HAGH: variants seen among roughly 807,000 people sequenced by gnomAD.
HAGH encodes hydroxyacylglutathione hydrolase, mitochondrial.
A neutral mutation model predicts 35.1 loss-of-function variants in HAGH; 29 were observed. The observed-to-expected ratio is 0.83, with a 90% CI of 0.62 to 1.13. The LOEUF (loss-of-function observed/expected upper bound fraction) is 1.13. Among genes scored for constraint, HAGH ranks in the 50% most tolerant of loss-of-function variants. HAGH has a pLI of 0.00. For synonymous variants in HAGH, 225 were observed against 176.1 expected (o/e 1.28, Z -2.20); for missense variants, 478 against 419.6 (o/e 1.14, Z -1.22).
At chr16:1,814,603 T>C (rs1233142982) in intron 7 of HAGH, among the ~76,000 whole-genome samples, 1 of 152,076 alleles carries the variant, frequency 6.6e-6, no homozygotes, top group Admixed American at 6.6e-5. Flanking sequence ...AAAACATCTT[T>C]TAAATATATA....
rs371073521 is a variant in HAGH, at chr16:1,819,084, C to A, written c.541+31G>T. 3.4e-5 allele frequency: 47 copies of A among 1,380,410 alleles called. No homozygotes were observed. In the African/African-American group the frequency reaches 3.7e-4, roughly 11 times the overall value. 85.5% of individuals were successfully genotyped at this position (1,380,410 alleles called of 1,614,324 possible). ...GGAGACACAGGGTCTTCACGAAGAA[C>A]CCCCGCCCCCACCCACACTCGAACA... is the stretch of plus-strand genomic sequence containing the variant. On this transcript the variant is annotated intron_variant, in intron 5 of 8. Transcript: ENST00000397356.
intron 3 of HAGH, among the ~76,000 whole-genome samples, chr16:1,821,185 C>G (rs1364028314): frequency 5.3e-5 from 8 of 152,188 alleles, no homozygotes; most frequent in Non-Finnish European, 1.2e-4. Flanking sequence ...CCCCTCAAGC[C>G]CAGGTCCCTG....
At chr16:1,823,107 G>C in intron 1 of HAGH, 70 bp from the exon 2 acceptor site, 1 of 1,327,912 alleles carries the variant, frequency 7.5e-7, no homozygotes, top group Non-Finnish European at 1.1e-6. Flanking sequence ...GCAAGCTGCA[G>C]TGCTTCCCAG....
intron 7 of HAGH, among the ~76,000 whole-genome samples, chr16:1,813,504 A>T (rs775140244): frequency 1.3e-5 from 2 of 152,360 alleles, no homozygotes; most frequent in Middle Eastern, 6.8e-3. Context: ...AATCATGACC[A>T]GAAGTGCTTA....
At chr16:1,814,002 G>A (rs917152379) in intron 7 of HAGH, among the ~76,000 whole-genome samples, 2 of 152,188 alleles carry the variant, frequency 1.3e-5, no homozygotes, top group African/African-American at 4.8e-5. Flanking sequence ...CTGCGAGAGG[G>A]TGAACCTCTA....
intron 7 of HAGH, among the ~76,000 whole-genome samples, chr16:1,812,181 C>T (rs113033371): frequency 0.067 from 7,755 of 115,776 alleles, 231 homozygotes; most frequent in East Asian, 0.13. Flanking sequence ...CAGAGCAAGA[C>T]GCTGTCTCTC....
Position 1,809,243 on chromosome 16 carries a change from A to C in HAGH, c.*40T>G. 1 of 1,387,160 alleles carries C rather than the reference A, an allele frequency of 7.2e-7. No homozygotes were observed. The highest frequency in any genetic ancestry group is 1.4e-5 in the African/African-American group (1 of 70,468). The allele number at this position is 1,387,160 out of a possible 1,614,324, so 85.9% of individuals were successfully genotyped here. Reference sequence around the variant, plus strand: ...CCAGCAGGAAAGCCAGTTACCTAAAAGAGCCTAATCCCCAAATCCGCTGAA... The same window carrying C: ...CCAGCAGGAAAGCCAGTTACCTAAACGAGCCTAATCCCCAAATCCGCTGAA... On this transcript the variant is annotated 3_prime_UTR_variant, in exon 9 of 9. Transcript: ENST00000397356.
chr16:1,809,613 G>T (rs1897545846), intron 8 of HAGH, 141 bp downstream of exon 8: 1 of 739,740 alleles, frequency 1.4e-6, no homozygotes, highest in East Asian at 2.5e-5. Flanking sequence ...CAAGAAGAGT[G>T]CTCGGGCTCT....
chr16:1,820,214 C>T (rs747240428), intron 3 of HAGH, among the ~76,000 whole-genome samples, 200 bp from the exon 4 acceptor site: 23 of 151,730 alleles, frequency 1.5e-4, no homozygotes, highest in Non-Finnish European at 2.5e-4. Flanking sequence ...GGGTTCCGAG[C>T]GTGGGGGCCT....
At chr16:1,813,965 G>T (rs1194404618) in intron 7 of HAGH, among the ~76,000 whole-genome samples, 1 of 152,210 alleles carries the variant, frequency 6.6e-6, no homozygotes, top group East Asian at 1.9e-4. Context: ...TCCTTCGACA[G>T]ACAGCCCTGA....
At chr16:1,820,071 AGCTGAG>A (rs1898085157) in intron 3 of HAGH, 57 bp from the exon 4 acceptor site, 1 of 925,226 alleles carries the variant, frequency 1.1e-6, no homozygotes, top group Non-Finnish European at 1.8e-6. Flanking sequence ...CTGCCTGCTG[AGCTGAG>A]GGGGCTGCCT....
chr16:1,809,311 T>G lies in HAGH; in HGVS notation c.899A>C (p.Lys300Thr). 6.2e-7 allele frequency: 1 copy of G among 1,613,522 alleles called. No homozygotes were observed. The highest frequency in any genetic ancestry group is 8.5e-7 in the Non-Finnish European group (1 of 1,179,598). ...GTCCCGGGGCATCTTGAACTGGTCC[T>G]TCTCCCTGCGCACGGCCCGCATGGT... ...VTTMRAVRRE[K>T]DQFKMPRD Residue 300 changes from lysine to threonine, a missense_variant, in exon 9 of 9, where the codon AAG becomes ACG. Coordinates refer to ENST00000397356, the MANE Select transcript of HAGH (RefSeq NM_005326.6).
intron 3 of HAGH, among the ~76,000 whole-genome samples, chr16:1,820,996 G>A (rs919803104): frequency 1.3e-5 from 2 of 152,202 alleles, no homozygotes; most frequent in Non-Finnish European, 2.9e-5. Flanking sequence ...CGGCGAGGCC[G>A]GGAGAGGCAG....
intron 7 of HAGH, chr16:1,810,169 T>G (rs900263963): frequency 1.5e-5 from 4 of 266,312 alleles, no homozygotes; most frequent in Non-Finnish European, 3.0e-5. Context: ...CAAAAAATGC[T>G]TCAGAACACC....
intron 7 of HAGH, among the ~76,000 whole-genome samples, chr16:1,814,948 CACACACACATAT>C (rs547558010): frequency 0.088 from 13,268 of 150,096 alleles, 727 homozygotes; most frequent in African/African-American, 0.16. Flanking sequence ...CACACACACA[CACACACACATAT>C]ATATATATAT....
intron 7 of HAGH, among the ~76,000 whole-genome samples, chr16:1,813,691 G>A (rs564518872): frequency 1.4e-4 from 22 of 152,214 alleles, no homozygotes; most frequent in Non-Finnish European, 1.8e-4. Flanking sequence ...TAGCTTTTCT[G>A]ATAGAAGTTC....
Position 1,822,160 on chromosome 16 carries a change from G to A in HAGH, c.314+140C>T. The A allele has an allele frequency of 4.6e-6, 3 of 655,960 alleles. No individual in the cohort carries two copies. The East Asian group carries it at 8.3e-5, about 18-fold the overall frequency. 40.6% of individuals were successfully genotyped at this position (655,960 alleles called of 1,614,324 possible). On this transcript the variant is annotated intron_variant, in intron 3 of 8. Coordinates refer to ENST00000397356, the MANE Select transcript of HAGH (RefSeq NM_005326.6). ...CCTTGGGGGCTACGGTGAGTCCCGG[G>A]TCTTTCTCAGAAGTCTGCTGGGGGC...
In HAGH at chr16:1,816,982, C is replaced by A. The variant is rs777996485; in HGVS notation, c.658G>T (p.Gly220Cys). The A allele has an allele frequency of 5.0e-6, 8 of 1,610,674 alleles. No homozygotes were observed. In the South Asian group the frequency reaches 8.8e-5, roughly 18 times the overall value. Residue 220 changes from glycine (G) to cysteine (C), a missense_variant, in exon 7 of 9, where the codon GGC (glycine) becomes TGC (cysteine). Transcript: ENST00000397356. The part of the protein sequence containing the change: ...RLPPDTRVYC[G>C]HEYTINNLKF... ...AGGTTGTTGATGGTGTACTCGTGGCCACAGTAGACTCTCTGAGGAGAGAGG... is the reference window on the plus strand; with the variant it reads ...AGGTTGTTGATGGTGTACTCGTGGCAACAGTAGACTCTCTGAGGAGAGAGG...
chr16:1,809,818 C>A lies in HAGH; in HGVS notation c.763G>T (p.Gly255Trp). Reference protein sequence around the residue: ...LAWAKEKYSIGEPTVPSTLAE... With the variant: ...LAWAKEKYSIWEPTVPSTLAE... Reference sequence around the variant, plus strand: ...AGGGTGGATGGCACTGTGGGCTCCCCGATGCTGTACTTCTCCTGCAAGAGA... The same window carrying A: ...AGGGTGGATGGCACTGTGGGCTCCCAGATGCTGTACTTCTCCTGCAAGAGA... Residue 255 changes from glycine to tryptophan, a missense_variant, in exon 8 of 9, where the codon GGG becomes TGG. Transcript: ENST00000397356. 4 of 1,613,338 alleles carry A rather than the reference C, an allele frequency of 2.5e-6. No individual in the cohort carries two copies. Among genetic ancestry groups the A allele is most frequent in the Non-Finnish European group, 3.4e-6 (4 of 1,179,316 alleles).
Sources: gnomAD v4.1 joint callset for allele counts (sites outside exome capture counted in the v4.1 genomes callset) on GRCh38, gnomAD v4.1.1 for gene constraint, MANE v1.5 for transcripts, NCBI Gene and HGNC (gene_info 2026-07-23, HGNC 2026-07-21) for gene names.